Variants in NME7 observed in about 807,000 individuals in gnomAD.
The protein encoded by NME7 is NME/NM23 family member 7.
A neutral mutation model predicts 49.1 loss-of-function variants in NME7; 41 were observed. The observed-to-expected ratio is 0.83, with a 90% CI of 0.65 to 1.08. The LOEUF (loss-of-function observed/expected upper bound fraction) is 1.08. Ranked by LOEUF, NME7 falls within the 50% of genes least tolerant of loss-of-function variation. The pLI, the probability that NME7 is intolerant of heterozygous loss-of-function variation, is 0.00. For synonymous variants in NME7, 139 were observed against 150.6 expected (o/e 0.92, Z 0.56); for missense variants, 423 against 463.4 (o/e 0.91, Z 0.80).
At chr1:169,233,398 T>C (rs1460281766) in intron 9 of NME7, among the ~76,000 whole-genome samples, 1 of 151,946 alleles carries the variant, frequency 6.6e-6, no homozygotes, top group African/African-American at 2.4e-5. Context: ...AGAAGTACAG[T>C]AGGGATATAT....
chr1:169,222,669 A>G (rs961990162), intron 10 of NME7, among the ~76,000 whole-genome samples: 2 of 152,208 alleles, frequency 1.3e-5, no homozygotes, highest in African/African-American at 4.8e-5. Context: ...GAGCTAAACA[A>G]TATAATCTAT....
chr1:169,236,430 C>T (rs1350385308), intron 8 of NME7, among the ~76,000 whole-genome samples: 1 of 152,126 alleles, frequency 6.6e-6, no homozygotes, highest in Non-Finnish European at 1.5e-5. Context: ...TACCTATAGG[C>T]TCAATTAATC....
intron 10 of NME7, among the ~76,000 whole-genome samples, chr1:169,191,360 T>C (rs1310530683): frequency 6.6e-6 from 1 of 152,188 alleles, no homozygotes; most frequent in East Asian, 1.9e-4. Flanking sequence ...TATTGCTCCA[T>C]TTTTGAGTTC....
At chr1:169,305,553 ACCTGACTGAT>A (rs1651141685) in intron 4 of NME7, among the ~76,000 whole-genome samples, 1 of 152,176 alleles carries the variant, frequency 6.6e-6, no homozygotes, top group African/African-American at 2.4e-5. Flanking sequence ...GAATGCAAGG[ACCTGACTGAT>A]CTTCATCGGT....
intron 10 of NME7, among the ~76,000 whole-genome samples, chr1:169,196,185 C>T (rs181768166): frequency 5.3e-5 from 8 of 152,340 alleles, no homozygotes; most frequent in Non-Finnish European, 2.9e-5. Context: ...AGAATCTTAT[C>T]TTGAAATATT....
chr1:169,229,621 T>G (rs1034699961), intron 10 of NME7, among the ~76,000 whole-genome samples: 1 of 152,214 alleles, frequency 6.6e-6, no homozygotes, highest in Admixed American at 6.5e-5. Context: ...TGACACAAGA[T>G]GATTTCTTAA....
intron 1 of NME7, among the ~76,000 whole-genome samples, chr1:169,343,062 C>T (rs1370008402): frequency 6.9e-6 from 1 of 145,912 alleles, no homozygotes; most frequent in African/African-American, 2.5e-5. Context: ...TCAGAATGAT[C>T]CTTTGGGATA....
At chr1:169,325,804 T>C (rs1652039907) in intron 1 of NME7, among the ~76,000 whole-genome samples, 1 of 152,176 alleles carries the variant, frequency 6.6e-6, no homozygotes, top group Admixed American at 6.5e-5. Flanking sequence ...ACTTTTATTT[T>C]TCCCACAATC....
chr1:169,305,535 T>C (rs1416571018), intron 4 of NME7, among the ~76,000 whole-genome samples: 3 of 152,326 alleles, frequency 2.0e-5, no homozygotes, highest in African/African-American at 7.2e-5. Context: ...TCTTATCGGG[T>C]ATGCCAAGAA....
intron 1 of NME7, among the ~76,000 whole-genome samples, chr1:169,328,846 C>T: frequency 6.6e-6 from 1 of 151,914 alleles, no homozygotes; most frequent in Non-Finnish European, 1.5e-5. Flanking sequence ...CTTAGGGTGC[C>T]CCTTAAAGCA....
At chr1:169,309,685 A>G (rs986560894) in intron 4 of NME7, among the ~76,000 whole-genome samples, 1 of 152,064 alleles carries the variant, frequency 6.6e-6, no homozygotes, top group African/African-American at 2.4e-5. Flanking sequence ...CTGTTTCTCA[A>G]TTCCACAGAC....
At chr1:169,140,763 GTAGATA>G (rs1658568997) in intron 11 of NME7, among the ~76,000 whole-genome samples, 4 of 151,178 alleles carry the variant, frequency 2.6e-5, no homozygotes, top group Non-Finnish European at 4.4e-5. Context: ...AAAAGAAATT[GTAGATA>G]TAAAGACCAG....
Position 169,314,370 on chromosome 1 carries a change from A to T in NME7, c.279-4290T>A, listed in dbSNP as rs555130255. On this transcript the variant is annotated intron_variant, in intron 3 of 11. Transcript: ENST00000367811. ...TTAGATTTTAAAGAAGGAGGTTAAA[A>T]TATTAATTAGATTTAAGCTTTATCA... Among the ~76,000 whole-genome samples the T allele has an allele frequency of 6.6e-5, 10 of 152,252 alleles. No individual in the cohort carries two copies. In the East Asian group the frequency reaches 1.3e-3, roughly 21 times the overall value.
chr1:169,228,025 T>C (rs1341377788), intron 10 of NME7, among the ~76,000 whole-genome samples: 1 of 143,686 alleles, frequency 7.0e-6, no homozygotes, highest in Non-Finnish European at 1.5e-5. Context: ...GAAAAAAATA[T>C]ATAATTATGT....
chr1:169,353,900 A>G (rs916222366), intron 1 of NME7, among the ~76,000 whole-genome samples: 1 of 152,132 alleles, frequency 6.6e-6, no homozygotes, highest in Non-Finnish European at 1.5e-5. Flanking sequence ...GACAGGCAGT[A>G]ACAAATGCTG....
At chr1:169,309,597 T>C (rs944826380) in intron 4 of NME7, among the ~76,000 whole-genome samples, 2 of 152,330 alleles carry the variant, frequency 1.3e-5, no homozygotes, top group South Asian at 2.1e-4. Context: ...TTGCTTTTCA[T>C]GTCCTTTATT....
chr1:169,140,532 C>A (rs1405906896), intron 11 of NME7, among the ~76,000 whole-genome samples: 1 of 151,900 alleles, frequency 6.6e-6, no homozygotes, highest in African/African-American at 2.4e-5. Context: ...CCCCATGTTC[C>A]CACTCTGAAA....
chr1:169,172,815 T>G (rs576305779), intron 10 of NME7, among the ~76,000 whole-genome samples: 13 of 152,322 alleles, frequency 8.5e-5, no homozygotes, highest in Admixed American at 4.6e-4. Flanking sequence ...AGAGTAATCC[T>G]TGCTTCTTCA....
intron 10 of NME7, among the ~76,000 whole-genome samples, chr1:169,212,897 G>A (rs1457075876): frequency 1.3e-5 from 2 of 152,068 alleles, no homozygotes; most frequent in Non-Finnish European, 2.9e-5. Context: ...CCAAGTTGCT[G>A]GGATTATAGG....
Sources: allele counts gnomAD v4.1 joint callset (sites outside exome capture counted in the v4.1 genomes callset), GRCh38; gene constraint gnomAD v4.1.1; transcripts MANE v1.5; gene names NCBI Gene and HGNC (gene_info 2026-07-23, HGNC 2026-07-21).